The following STUM variants were observed in gnomAD, a reference collection of about 807,000 sequenced individuals.
The protein encoded by STUM is protein stum homolog.
Under a neutral mutation model 15.3 loss-of-function variants are expected in STUM, and 8 were observed. That is an observed-to-expected ratio of 0.52 (90% CI 0.31 to 0.94). The LOEUF (loss-of-function observed/expected upper bound fraction) is 0.94. STUM is among the 40% of genes least tolerant of loss of function. STUM has a pLI of 0.05. For missense variants in STUM, 142 were observed against 204.9 expected, an observed-to-expected ratio of 0.69 and a Z score of 1.87; for synonymous variants, 78 against 88.7, an observed-to-expected ratio of 0.88 and a Z score of 0.68.
chr1:226,582,544 G>A (rs1304926867), intron 1 of STUM, among the ~76,000 whole-genome samples: 2 of 151,238 alleles, frequency 1.3e-5, no homozygotes, highest in Non-Finnish European at 2.9e-5. Context: ...GCAGTGAGCC[G>A]AGGTCACACC....
intron 1 of STUM, among the ~76,000 whole-genome samples, chr1:226,579,964 A>G (rs1163047502): frequency 1.3e-5 from 2 of 152,128 alleles, no homozygotes; most frequent in African/African-American, 4.8e-5. Flanking sequence ...CAGCCGAAGG[A>G]TAATCATATC....
At chr1:226,550,948 A>G (rs1327008720) in intron 1 of STUM, among the ~76,000 whole-genome samples, 2 of 152,220 alleles carry the variant, frequency 1.3e-5, no homozygotes, top group Non-Finnish European at 2.9e-5. Flanking sequence ...AAATAAACAA[A>G]CAAACAAAAC....
At chr1:226,577,640 G>A (rs1017376214) in intron 1 of STUM, among the ~76,000 whole-genome samples, 2 of 152,144 alleles carry the variant, frequency 1.3e-5, no homozygotes, top group African/African-American at 2.4e-5. Flanking sequence ...AGAGCCCCTC[G>A]GGCCCCAGGG....
intron 1 of STUM, among the ~76,000 whole-genome samples, chr1:226,588,366 G>A (rs775724611): frequency 5.5e-4 from 84 of 152,152 alleles, no homozygotes; most frequent in Non-Finnish European, 9.8e-4. Context: ...TGGAGTGGCC[G>A]AGCTGAAAGG....
intron 1 of STUM, among the ~76,000 whole-genome samples, chr1:226,575,003 G>A (rs554767026): frequency 2.0e-5 from 3 of 152,174 alleles, no homozygotes; most frequent in African/African-American, 4.8e-5. Flanking sequence ...CTTGCTGTCC[G>A]GGCTGCTGGC....
intron 1 of STUM, among the ~76,000 whole-genome samples, chr1:226,558,992 A>G (rs1036504611): frequency 5.3e-5 from 8 of 152,324 alleles, no homozygotes; most frequent in South Asian, 4.1e-4. Flanking sequence ...AGCGGAGGCA[A>G]TGGGAAGGAG....
rs1668411965 is a variant in STUM at position 226,609,159 on chromosome 1, A to G, written c.*7119A>G. 6.6e-6 allele frequency: 1 copy of G among 152,060 alleles called. No individual in the cohort carries two copies. Among genetic ancestry groups the G allele is most frequent in the East Asian group, 1.9e-4 (1 of 5,184 alleles). 9.4% of individuals were successfully genotyped at this position (152,060 alleles called of 1,614,324 possible). A position where few individuals can be genotyped will look rare whatever the true frequency, so the allele number is the denominator to read the frequency against. Reference sequence around the variant, plus strand: ...AATCCTTGGAAATACGGCTTTGGAAACCTTTTTCTTCCTTTCCCTCTTTTC... The same window carrying G: ...AATCCTTGGAAATACGGCTTTGGAAGCCTTTTTCTTCCTTTCCCTCTTTTC... On this transcript the variant is annotated 3_prime_UTR_variant, in exon 4 of 4. Transcript: ENST00000366788.
chr1:226,552,495 A>G lies in STUM; in HGVS notation c.202+3389A>G, dbSNP rs527754074. On this transcript the variant is annotated intron_variant, in intron 1 of 3. Transcript: ENST00000366788. This position sits in a 1 kb window ranked among gnomAD's most constrained non-coding sequence, Gnocchi z 4.7. Reference sequence around the variant, plus strand: ...CCCAACATGGCCAGAGAGTTTGTCTAGTGGTCAGGGGTATAATTATACTTT... The same window carrying G: ...CCCAACATGGCCAGAGAGTTTGTCTGGTGGTCAGGGGTATAATTATACTTT... 2.0e-5 allele frequency among the ~76,000 whole-genome samples: 3 copies of G among 152,324 alleles called. No individual in the cohort carries two copies. In the East Asian group the frequency reaches 5.8e-4, roughly 29 times the overall value.
intron 1 of STUM, among the ~76,000 whole-genome samples, chr1:226,551,931 A>T (rs996060183): frequency 2.0e-5 from 3 of 152,162 alleles, no homozygotes; most frequent in African/African-American, 4.8e-5. Context: ...AGCACTTGCC[A>T]TCCTCACTAA....
rs1039561656 is a variant in STUM, at chr1:226,608,929, C to T, written c.*6889C>T. The T allele has an allele frequency of 6.6e-6, 1 of 152,360 alleles. No homozygotes were observed. The highest frequency in any genetic ancestry group is 6.5e-5 in the Admixed American group (1 of 15,298). 9.4% of individuals were successfully genotyped at this position (152,360 alleles called of 1,614,324 possible). A position where few individuals can be genotyped will look rare whatever the true frequency, so the allele number is the denominator to read the frequency against. On this transcript the variant is annotated 3_prime_UTR_variant, in exon 4 of 4. Coordinates refer to ENST00000366788, the MANE Select transcript of STUM (RefSeq NM_001003665.4). This position sits in a 1 kb window ranked among gnomAD's most constrained non-coding sequence, Gnocchi z 4.0. Reference sequence around the variant, plus strand: ...TCCACAGCGCCCTCTAGGGGCCAAGCAGGGTTCCAGATTCTCCAGCCTTCT... The same window carrying T: ...TCCACAGCGCCCTCTAGGGGCCAAGTAGGGTTCCAGATTCTCCAGCCTTCT...
intron 1 of STUM, among the ~76,000 whole-genome samples, chr1:226,581,902 GA>G (rs1369375993): frequency 6.6e-6 from 1 of 152,220 alleles, no homozygotes; most frequent in African/African-American, 2.4e-5. Flanking sequence ...ATCCACTGTG[GA>G]GTGTTGTAAG....
At chr1:226,572,649 A>G (rs1208162854) in intron 1 of STUM, among the ~76,000 whole-genome samples, 1 of 152,218 alleles carries the variant, frequency 6.6e-6, no homozygotes, top group Non-Finnish European at 1.5e-5. Context: ...GCCTTTGGGC[A>G]GCATTCCTGG....
At position 226,552,586 on chromosome 1, in the gene STUM, A is replaced by T. The variant is rs1238597293; in HGVS notation, c.202+3480A>T. Among the ~76,000 whole-genome samples, 1 of 152,190 alleles carries T rather than the reference A, an allele frequency of 6.6e-6. No homozygotes were observed. The highest frequency in any genetic ancestry group is 2.4e-5 in the African/African-American group (1 of 41,450). ...AAATGTTGATATCTCAGTGACACGG[A>T]AAGTCGAAGGGAGGAGGACCTCCAT... On this transcript the variant is annotated intron_variant, in intron 1 of 3. Coordinates refer to ENST00000366788, the MANE Select transcript of STUM (RefSeq NM_001003665.4). This position sits in a 1 kb window ranked among gnomAD's most constrained non-coding sequence, Gnocchi z 4.7.
chr1:226,550,880 G>A (rs1336172185), intron 1 of STUM, among the ~76,000 whole-genome samples: 1 of 152,146 alleles, frequency 6.6e-6, no homozygotes, highest in Non-Finnish European at 1.5e-5. Context: ...CCTTGCCCTG[G>A]GGATCCAGCT....
intron 1 of STUM, among the ~76,000 whole-genome samples, chr1:226,584,225 G>T (rs1412528963): frequency 1.3e-5 from 2 of 151,922 alleles, no homozygotes; most frequent in East Asian, 3.9e-4. Context: ...CCTCACCTGA[G>T]CTGTTGAATG....
At chr1:226,599,436 T>C (rs1668232081) in intron 2 of STUM, among the ~76,000 whole-genome samples, 1 of 152,224 alleles carries the variant, frequency 6.6e-6, no homozygotes. Context: ...TGAGAGTGAC[T>C]CCTTTGAAGG....
At chr1:226,579,566 C>A (rs138877561) in intron 1 of STUM, among the ~76,000 whole-genome samples, 107 of 152,038 alleles carry the variant, frequency 7.0e-4, no homozygotes, top group African/African-American at 2.5e-3. Flanking sequence ...CCCCAGGAAG[C>A]CTCACTGGCC....
Position 226,607,931 on chromosome 1 carries a change from T to C in STUM, c.*5891T>C, listed in dbSNP as rs1668387917. On this transcript the variant is annotated 3_prime_UTR_variant, in exon 4 of 4. Transcript: ENST00000366788. ...CCAGGGTCTGCCTGGAGCCTCAGGG[T>C]TGGGACTTATCTCCAAAGGAGCCCA... is the stretch of plus-strand genomic sequence containing the variant. The C allele has an allele frequency of 6.6e-6, 1 of 152,266 alleles. No homozygotes were observed. Among genetic ancestry groups the C allele is most frequent in the Admixed American group, 6.5e-5 (1 of 15,286 alleles). The allele number at this position is 152,266 out of a possible 1,614,324, so 9.4% of individuals were successfully genotyped here. A position where few individuals can be genotyped will look rare whatever the true frequency, so the allele number is the denominator to read the frequency against.
chr1:226,581,798 G>A (rs1417200424), intron 1 of STUM, among the ~76,000 whole-genome samples: 2 of 152,146 alleles, frequency 1.3e-5, no homozygotes, highest in African/African-American at 4.8e-5. Context: ...CCTCTTAGTG[G>A]ATTTCATCCT....
Sources: gnomAD v4.1 joint callset for allele counts (sites outside exome capture counted in the v4.1 genomes callset) on GRCh38, gnomAD v4.1.1 for gene constraint, Gnocchi (gnomAD v3.1) non-coding constraint, MANE v1.5 for transcripts, NCBI Gene and HGNC (gene_info 2026-07-23, HGNC 2026-07-21) for gene names.